The following FBXL20 variants were observed in gnomAD, a reference collection of about 807,000 sequenced individuals.
FBXL20 encodes the protein F-box/LRR-repeat protein 20.
A neutral mutation model predicts 64.0 loss-of-function variants in FBXL20; 11 were observed. The ratio of observed to expected loss-of-function variants is 0.17; its 90% CI spans 0.11 to 0.28. The LOEUF is 0.28. Ranked by LOEUF, FBXL20 falls within the 10% of genes least tolerant of loss-of-function variation. The pLI is 1.00. For synonymous variants in FBXL20, 184 were observed against 189.0 expected, an observed-to-expected ratio of 0.97 and a Z score of 0.22; for missense variants, 303 against 526.2, an observed-to-expected ratio of 0.58 and a Z score of 4.15.
At chr17:39,351,909 G>C (rs2047690823) in intron 1 of FBXL20, among the ~76,000 whole-genome samples, 1 of 152,176 alleles carries the variant, frequency 6.6e-6, no homozygotes, top group African/African-American at 2.4e-5. Context: ...ATAATATACT[G>C]TTGGTTTGTA....
At chr17:39,396,195 T>C (rs1339613066) in intron 1 of FBXL20, among the ~76,000 whole-genome samples, 1 of 152,102 alleles carries the variant, frequency 6.6e-6, no homozygotes, top group Non-Finnish European at 1.5e-5. Flanking sequence ...CCTCTGCTTT[T>C]ATTCAAAAAG....
intron 2 of FBXL20, among the ~76,000 whole-genome samples, chr17:39,328,890 CA>C (rs899275180): frequency 7.2e-5 from 11 of 152,004 alleles, no homozygotes; most frequent in African/African-American, 2.7e-4. Flanking sequence ...CCTATCTCTA[CA>C]AAAAATTTAA....
chr17:39,356,822 ATTT>A (rs36030405), intron 1 of FBXL20, among the ~76,000 whole-genome samples: 4 of 145,254 alleles, frequency 2.8e-5, no homozygotes, highest in African/African-American at 1.0e-4. Flanking sequence ...CACCTGGCTA[ATTT>A]TTTTTTTTTT....
chr17:39,298,713 CAAA>C (rs756978640), intron 5 of FBXL20, among the ~76,000 whole-genome samples: 20 of 151,650 alleles, frequency 1.3e-4, no homozygotes, highest in Admixed American at 7.3e-4. Flanking sequence ...GACCTTGTCT[CAAA>C]ACATAAAATA....
intron 2 of FBXL20, among the ~76,000 whole-genome samples, chr17:39,311,614 A>T (rs1013966263): frequency 6.6e-6 from 1 of 152,112 alleles, no homozygotes; most frequent in African/African-American, 2.4e-5. Context: ...TATACTTCCA[A>T]TCTAGGTAAC....
intron 11 of FBXL20, among the ~76,000 whole-genome samples, chr17:39,269,325 C>G (rs1358899590): frequency 6.6e-6 from 1 of 152,006 alleles, no homozygotes; most frequent in Non-Finnish European, 1.5e-5. Context: ...TCCTGAGTAG[C>G]TGGGACTACA....
At chr17:39,342,436 C>T (rs963365322) in intron 2 of FBXL20, among the ~76,000 whole-genome samples, 2 of 151,372 alleles carry the variant, frequency 1.3e-5, no homozygotes, top group African/African-American at 2.4e-5. Flanking sequence ...AAAATTGGGG[C>T]TGGGCACCGT....
intron 1 of FBXL20, among the ~76,000 whole-genome samples, chr17:39,352,040 TGTGCACGCGC>T (rs1359141038): frequency 6.6e-6 from 1 of 152,238 alleles, no homozygotes; most frequent in African/African-American, 2.4e-5. Context: ...CTTGTGTGTG[TGTGCACGCGC>T]GTGCACGCTA....
intron 1 of FBXL20, among the ~76,000 whole-genome samples, chr17:39,355,589 C>T (rs547737316): frequency 2.0e-5 from 3 of 151,362 alleles, no homozygotes; most frequent in Non-Finnish European, 4.4e-5. Context: ...GGCGCGGTGG[C>T]TCACGCCTGT....
At chr17:39,363,281 T>C (rs1567896709) in intron 1 of FBXL20, among the ~76,000 whole-genome samples, 5 of 152,004 alleles carry the variant, frequency 3.3e-5, no homozygotes, top group Non-Finnish European at 7.4e-5. Flanking sequence ...CCCAAAGTGC[T>C]GGGATTATGG....
rs566220265 is a variant in FBXL20 at position 39,260,487 on chromosome 17, G to C, written c.*973C>G. 1.3e-5 allele frequency: 2 copies of C among 152,296 alleles called. No individual in the cohort carries two copies. The highest frequency in any genetic ancestry group is 4.8e-5 in the African/African-American group (2 of 41,532). 9.4% of individuals were successfully genotyped at this position (152,296 alleles called of 1,614,324 possible). ...AAGATAAAATAGAAACCAAAAGGTA[G>C]CATCTGTTTTCATCAAAACAGTTTC... On this transcript the variant is annotated 3_prime_UTR_variant, in exon 15 of 15. Transcript: ENST00000264658.
intron 1 of FBXL20, among the ~76,000 whole-genome samples, chr17:39,364,723 G>C (rs2047841915): frequency 6.6e-6 from 1 of 152,176 alleles, no homozygotes; most frequent in Admixed American, 6.5e-5. Flanking sequence ...GCCATCTAAG[G>C]AAGTCCACAC....
At chr17:39,358,050 T>A (rs1285607750) in intron 1 of FBXL20, among the ~76,000 whole-genome samples, 2 of 152,222 alleles carry the variant, frequency 1.3e-5, no homozygotes, top group African/African-American at 4.8e-5. Context: ...AGAAAGCTTA[T>A]AATGTAATCC....
intron 2 of FBXL20, among the ~76,000 whole-genome samples, chr17:39,305,332 C>A (rs1359751606): frequency 6.6e-6 from 1 of 152,010 alleles, no homozygotes; most frequent in Non-Finnish European, 1.5e-5. Flanking sequence ...TGAAGTAGAC[C>A]AATAAGTTAT....
intron 2 of FBXL20, among the ~76,000 whole-genome samples, chr17:39,312,230 CA>C (rs893344804): frequency 7.2e-5 from 11 of 151,914 alleles, no homozygotes; most frequent in Admixed American, 7.2e-4. Flanking sequence ...GCCTGGCCAA[CA>C]CAGTAAAACC....
rs147359349 is a variant in FBXL20 at position 39,259,467 on chromosome 17, A to C, written c.*1993T>G. 1 of 152,230 alleles carries C rather than the reference A, an allele frequency of 6.6e-6. No individual in the cohort carries two copies. Among genetic ancestry groups the C allele is most frequent in the East Asian group, 1.9e-4 (1 of 5,190 alleles). The allele number at this position is 152,230 out of a possible 1,614,324, so 9.4% of individuals were successfully genotyped here. On this transcript the variant is annotated 3_prime_UTR_variant, in exon 15 of 15. Transcript: ENST00000264658. ...TGGGTTTCTAATCTTGGGGTTTAGAAATTTTCTTCTTATGCTTTAAAAACT... is the reference window on the plus strand; with the variant it reads ...TGGGTTTCTAATCTTGGGGTTTAGACATTTTCTTCTTATGCTTTAAAAACT...
intron 1 of FBXL20, among the ~76,000 whole-genome samples, chr17:39,346,419 A>G (rs889274872): frequency 3.3e-5 from 5 of 152,158 alleles, no homozygotes; most frequent in African/African-American, 1.2e-4. Context: ...ACCTGTATAC[A>G]GTTTAGAAAT....
chr17:39,337,903 G>T lies in FBXL20; in HGVS notation c.104+5277C>A, dbSNP rs536545024. Reference sequence around the variant, plus strand: ...CCCCGCCCGGCCAGCCACCCTATCCGGGAGGGAGGTGGGGGGGTCAGCCCC... The same window carrying T: ...CCCCGCCCGGCCAGCCACCCTATCCTGGAGGGAGGTGGGGGGGTCAGCCCC... On this transcript the variant is annotated intron_variant, in intron 2 of 14. Transcript: ENST00000264658. Among the ~76,000 whole-genome samples, 120 of 150,786 alleles carry T rather than the reference G, an allele frequency of 8.0e-4. 1 individual carries two copies. Among genetic ancestry groups the T allele is most frequent in the African/African-American group, 2.9e-3 (117 of 41,020 alleles).
chr17:39,311,415 T>TAAGA (rs763074632), intron 2 of FBXL20, among the ~76,000 whole-genome samples: 13 of 152,312 alleles, frequency 8.5e-5, no homozygotes, highest in East Asian at 5.8e-4. Flanking sequence ...GGTTCTCTAT[T>TAAGA]AAGACTCTTT....
Sources: allele counts gnomAD v4.1 joint callset (sites outside exome capture counted in the v4.1 genomes callset), GRCh38; gene constraint gnomAD v4.1.1; transcripts MANE v1.5; gene names NCBI Gene and HGNC (gene_info 2026-07-23, HGNC 2026-07-21).